Variants in TRAPPC9 observed in about 807,000 individuals in gnomAD.
TRAPPC9 encodes trafficking protein particle complex subunit 9.
In TRAPPC9, 83 loss-of-function variants were observed where a neutral mutation model predicts 124.0. The ratio of observed to expected loss-of-function variants is 0.67; its 90% CI spans 0.56 to 0.80. The LOEUF (loss-of-function observed/expected upper bound fraction) is 0.80. Ranked by LOEUF, TRAPPC9 falls within the 30% of genes least tolerant of loss-of-function variation. The pLI is 0.00. For synonymous variants in TRAPPC9, 638 were observed against 617.5 expected (o/e 1.03, Z -0.49); for missense variants, 1,302 against 1,508.3 (o/e 0.86, Z 2.27).
At chr8:140,068,378 A>G (rs546836546) in intron 17 of TRAPPC9, among the ~76,000 whole-genome samples, 36 of 152,264 alleles carry the variant, frequency 2.4e-4, no homozygotes, top group Admixed American at 8.5e-4. Context: ...CAGAAGACCA[A>G]TTAGACTTGC....
intron 9 of TRAPPC9, among the ~76,000 whole-genome samples, chr8:140,327,081 C>T (rs1001903148): frequency 2.0e-5 from 3 of 151,956 alleles, no homozygotes; most frequent in Non-Finnish European, 2.9e-5. Context: ...GGTGAAACCC[C>T]GTCTCTACTA....
chr8:140,162,824 C>A (rs2061773620), intron 17 of TRAPPC9, among the ~76,000 whole-genome samples: 1 of 152,082 alleles, frequency 6.6e-6, no homozygotes, highest in Non-Finnish European at 1.5e-5. Flanking sequence ...CTCATCTCTA[C>A]AAGAAAATAT....
rs186442741 is a variant in TRAPPC9 at position 139,952,894 on chromosome 8, G to A, written c.2810+35832C>T. Among the ~76,000 whole-genome samples the A allele has an allele frequency of 5.3e-5, 8 of 152,330 alleles. No individual in the cohort carries two copies. In the East Asian group the frequency reaches 7.7e-4, roughly 15 times the overall value. ...CATTCTATTATTAACACACTTTACAGATGTGGAAACTGAAGGTAAAGAGGT... is the reference window on the plus strand; with the variant it reads ...CATTCTATTATTAACACACTTTACAAATGTGGAAACTGAAGGTAAAGAGGT... On this transcript the variant is annotated intron_variant, in intron 19 of 22. Transcript: ENST00000438773.
intron 17 of TRAPPC9, among the ~76,000 whole-genome samples, chr8:140,166,387 C>CTT (rs1319501370): frequency 1.3e-5 from 2 of 152,216 alleles, no homozygotes; most frequent in Non-Finnish European, 2.9e-5. Context: ...GTCGTTCCTC[C>CTT]TGGAAGGCCA....
intron 17 of TRAPPC9, among the ~76,000 whole-genome samples, chr8:140,065,251 C>A (rs1433151204): frequency 1.3e-5 from 2 of 152,182 alleles, no homozygotes; most frequent in African/African-American, 4.8e-5. Context: ...CTGAAGCTAG[C>A]AGAGGTTGGT....
At chr8:140,264,268 T>C (rs1302794350) in intron 15 of TRAPPC9, among the ~76,000 whole-genome samples, 6 of 151,964 alleles carry the variant, frequency 3.9e-5, no homozygotes, top group African/African-American at 1.5e-4. Context: ...GAGCCAATCG[T>C]CTCCTCCCCG....
intron 19 of TRAPPC9, among the ~76,000 whole-genome samples, chr8:139,926,319 A>C (rs1311974733): frequency 3.3e-5 from 5 of 152,128 alleles, no homozygotes; most frequent in Admixed American, 6.5e-5. Flanking sequence ...AGAGGCTCCC[A>C]AGAGAACCCA....
At chr8:140,010,309 AAGG>A (rs1317705098) in intron 18 of TRAPPC9, among the ~76,000 whole-genome samples, 1 of 152,222 alleles carries the variant, frequency 6.6e-6, no homozygotes, top group East Asian at 1.9e-4. Flanking sequence ...GCAGGAAATC[AAGG>A]AGAACACATG....
rs2233237 is a variant in TRAPPC9 at position 139,932,560 on chromosome 8, C to T, written c.2811-22260G>A. ...GGTGGATTGCCTGAGCTCAGGAGTTCGAGACCAGCCTGGACAACATGGTGA... is the reference window on the plus strand; with the variant it reads ...GGTGGATTGCCTGAGCTCAGGAGTTTGAGACCAGCCTGGACAACATGGTGA... On this transcript the variant is annotated intron_variant, in intron 19 of 22. Transcript: ENST00000438773. 9.5e-4 allele frequency: 432 copies of T among 454,574 alleles called. 2 individuals carry two copies. Among genetic ancestry groups the T allele is most frequent in the African/African-American group, 7.8e-3 (392 of 50,084 alleles). The allele number at this position is 454,574 out of a possible 1,614,324, so 28.2% of individuals were successfully genotyped here. A position where few individuals can be genotyped will look rare whatever the true frequency, so the allele number is the denominator to read the frequency against.
chr8:140,116,810 G>A (rs1017598695), intron 17 of TRAPPC9, among the ~76,000 whole-genome samples: 11 of 151,954 alleles, frequency 7.2e-5, no homozygotes, highest in African/African-American at 2.7e-4. Context: ...CAGCAGCGAC[G>A]GTGGGGCTGA....
At chr8:140,167,369 G>A (rs11166957) in intron 17 of TRAPPC9, among the ~76,000 whole-genome samples, 28,385 of 151,994 alleles carry the variant, frequency 0.19, 2,887 homozygotes, top group Admixed American at 0.26. Flanking sequence ...GATAGGAAGG[G>A]GAAAAAACAC....
At chr8:140,332,941 A>G (rs1228894136) in intron 9 of TRAPPC9, among the ~76,000 whole-genome samples, 29 of 152,184 alleles carry the variant, frequency 1.9e-4, no homozygotes, top group Non-Finnish European at 1.5e-5. Context: ...CCTGGTCAAC[A>G]TCGTGAAACC....
At chr8:140,378,388 A>G (rs2068508564) in intron 7 of TRAPPC9, among the ~76,000 whole-genome samples, 1 of 152,160 alleles carries the variant, frequency 6.6e-6, no homozygotes. Context: ...AAAATATGAA[A>G]AGACGAGGCT....
chr8:140,186,768 T>C (rs1358363465), intron 17 of TRAPPC9, among the ~76,000 whole-genome samples: 1 of 152,146 alleles, frequency 6.6e-6, no homozygotes, highest in Non-Finnish European at 1.5e-5. Context: ...ACAGTGTGAG[T>C]GGGAATGTAC....
At chr8:140,195,652 T>C (rs2062635976) in intron 17 of TRAPPC9, among the ~76,000 whole-genome samples, 1 of 151,014 alleles carries the variant, frequency 6.6e-6, no homozygotes, top group Non-Finnish European at 1.5e-5. Flanking sequence ...TAAAACACAC[T>C]CAATGATCCA....
At chr8:139,898,624 C>T (rs1401113710) in intron 20 of TRAPPC9, among the ~76,000 whole-genome samples, 1 of 152,176 alleles carries the variant, frequency 6.6e-6, no homozygotes, top group African/African-American at 2.4e-5. Flanking sequence ...ACAAAGATTA[C>T]ACAGCACACT....
At chr8:140,122,022 T>TC (rs1491410247) in intron 17 of TRAPPC9, among the ~76,000 whole-genome samples, 35,530 of 137,054 alleles carry the variant, frequency 0.26, 4,930 homozygotes, top group Admixed American at 0.33. Context: ...TCTTTCTTTC[T>TC]TTCTCTCTCT....
chr8:140,231,439 C>G (rs1345672300), intron 16 of TRAPPC9, among the ~76,000 whole-genome samples: 1 of 148,224 alleles, frequency 6.7e-6, no homozygotes, highest in Admixed American at 6.7e-5. Context: ...CTTTCAAATC[C>G]AAAGATTATT....
intron 16 of TRAPPC9, among the ~76,000 whole-genome samples, chr8:140,230,144 A>G (rs939621001): frequency 6.6e-6 from 1 of 152,196 alleles, no homozygotes; most frequent in African/African-American, 2.4e-5. Context: ...CCAAGAGCCA[A>G]CGTCCAACCA....
Sources: gnomAD v4.1 joint callset for allele counts (sites outside exome capture counted in the v4.1 genomes callset) on GRCh38, gnomAD v4.1.1 for gene constraint, MANE v1.5 for transcripts, NCBI Gene and HGNC (gene_info 2026-07-23, HGNC 2026-07-21) for gene names.